Variants in RC3H1 observed in about 807,000 individuals in gnomAD.
RC3H1 encodes roquin-1.
A neutral mutation model predicts 138.2 loss-of-function variants in RC3H1; 50 were observed. The ratio of observed to expected loss-of-function variants is 0.36; its 90% CI spans 0.29 to 0.46. The LOEUF is 0.46. Ranked by LOEUF, RC3H1 falls within the 20% of genes least tolerant of loss-of-function variation. The pLI, the probability that RC3H1 is intolerant of heterozygous loss-of-function variation, is 1.00. For synonymous variants in RC3H1, 462 were observed against 489.1 expected (o/e 0.94, Z 0.73); for missense variants, 1,031 against 1,388.1 (o/e 0.74, Z 4.09).
rs999370887 is a variant in RC3H1 at position 174,008,849 on chromosome 1, C to A, written c.-151+13247G>T. Among the ~76,000 whole-genome samples the A allele has an allele frequency of 1.8e-4, 27 of 151,978 alleles. 1 individual carries two copies. The highest frequency in any genetic ancestry group is 6.3e-4 in the African/African-American group (26 of 41,476). ...AAAATTAGCCAGGCGTGGTGGCGGGCACCGGTAATCCCAGCTACTTGGGAG... is the reference window on the plus strand; with the variant it reads ...AAAATTAGCCAGGCGTGGTGGCGGGAACCGGTAATCCCAGCTACTTGGGAG... On this transcript the variant is annotated intron_variant, in intron 1 of 19. Coordinates refer to ENST00000367696, the MANE Select transcript of RC3H1 (RefSeq NM_172071.4).
chr1:173,955,704 T>C (rs1659614859), intron 13 of RC3H1, among the ~76,000 whole-genome samples: 1 of 152,108 alleles, frequency 6.6e-6, no homozygotes, highest in Non-Finnish European at 1.5e-5. Context: ...CTACCCAGCA[T>C]TTTTCCTTGA....
chr1:173,988,717 C>T (rs530329479), intron 2 of RC3H1, among the ~76,000 whole-genome samples: 1 of 152,296 alleles, frequency 6.6e-6, no homozygotes, highest in South Asian at 2.1e-4. Context: ...TTTGGTGTTG[C>T]TAATGTTTTG....
rs995678547 is a variant in RC3H1 at position 173,938,058 on chromosome 1, C to T, written c.*663G>A. ...TGAAAATAAAAACAAGAAATAAAAC[C>T]CTCCCAAACAAACAAAAAGCTTCAA... On this transcript the variant is annotated 3_prime_UTR_variant, in exon 20 of 20. Transcript: ENST00000367696. 1.3e-5 allele frequency: 2 copies of T among 151,884 alleles called. No homozygotes were observed. The highest frequency in any genetic ancestry group is 4.8e-5 in the African/African-American group (2 of 41,306). 9.4% of individuals were successfully genotyped at this position (151,884 alleles called of 1,614,324 possible). A position where few individuals can be genotyped will look rare whatever the true frequency, so the allele number is the denominator to read the frequency against.
intron 11 of RC3H1, among the ~76,000 whole-genome samples, chr1:173,963,140 T>C (rs1220487754): frequency 1.3e-5 from 2 of 152,226 alleles, no homozygotes; most frequent in African/African-American, 4.8e-5. Context: ...GGTATTATCA[T>C]TAAAGCTGGC....
chr1:173,963,742 G>A (rs1659977108), intron 11 of RC3H1, among the ~76,000 whole-genome samples: 1 of 152,042 alleles, frequency 6.6e-6, no homozygotes, highest in African/African-American at 2.4e-5. Flanking sequence ...ATGAACACAT[G>A]TATTATGCAA....
chr1:173,978,221 G>A (rs1660664481), intron 7 of RC3H1, among the ~76,000 whole-genome samples: 1 of 152,036 alleles, frequency 6.6e-6, no homozygotes, highest in East Asian at 1.9e-4. Flanking sequence ...TTTTGTGACG[G>A]GAGAAAGAAG....
chr1:174,015,577 G>C (rs1360202114), intron 1 of RC3H1, among the ~76,000 whole-genome samples: 3 of 151,866 alleles, frequency 2.0e-5, no homozygotes, highest in Admixed American at 1.3e-4. Context: ...ATCTTGGCCA[G>C]GCTGGTCTTC....
In RC3H1 at chr1:173,961,158, G is replaced by C; in HGVS notation, c.2289C>G (p.Ala763=). ...AGATAACCTTTCTTTCCTCTAGCTG[G>C]GCCATTATTTCCTTTCGTCGGCGAT... is the stretch of plus-strand genomic sequence containing the variant. The part of the protein sequence containing the change: ...ELHRRRKEIM[A]QLEERKVISP... Residue 763 remains alanine, a synonymous_variant, in exon 13 of 20, where the codon GCC becomes GCG. Transcript: ENST00000367696. The C allele has an allele frequency of 6.2e-7, 1 of 1,613,780 alleles. No individual in the cohort carries two copies. Among genetic ancestry groups the C allele is most frequent in the Non-Finnish European group, 8.5e-7 (1 of 1,179,878 alleles).
chr1:173,942,825 CA>C (rs1183284940), intron 18 of RC3H1, among the ~76,000 whole-genome samples: 39 of 134,716 alleles, frequency 2.9e-4, no homozygotes, highest in East Asian at 1.3e-3. Context: ...GACTCCGCCT[CA>C]AAAAAAAAAA....
Position 173,943,528 on chromosome 1 carries a change from G to C in RC3H1, c.3049C>G (p.Pro1017Ala). The C allele has an allele frequency of 6.2e-7, 1 of 1,614,132 alleles. No homozygotes were observed. The highest frequency in any genetic ancestry group is 8.5e-7 in the Non-Finnish European group (1 of 1,180,008). Residue 1017 changes from proline (P) to alanine (A), a missense_variant, in exon 18 of 20, where the codon CCT becomes GCT. Coordinates refer to ENST00000367696, the MANE Select transcript of RC3H1 (RefSeq NM_172071.4). ...AACTGCTCACTTGAGATCATCCCAG[G>C]CCATTTTGGAGGTGGCGGTGGTGGG... ...QPPPPPPPKW[P>A]GMISSEQLSL...
At chr1:174,020,254 A>C (rs539920749) in intron 1 of RC3H1, among the ~76,000 whole-genome samples, 6 of 152,352 alleles carry the variant, frequency 3.9e-5, no homozygotes, top group African/African-American at 1.4e-4. Flanking sequence ...TCATTCAAAA[A>C]ATCAAAACAT....
Position 173,962,175 on chromosome 1 carries a change from C to G in RC3H1, c.1832-80G>C, listed in dbSNP as rs895004712. ...ATGTAAGATTTTACCTTTTAAAATA[C>G]TGAAACACTAAAGTATTGATAATCT... On this transcript the variant is annotated intron_variant, in intron 11 of 19. Coordinates refer to ENST00000367696, the MANE Select transcript of RC3H1 (RefSeq NM_172071.4). 4 of 1,255,542 alleles carry G rather than the reference C, an allele frequency of 3.2e-6. No individual in the cohort carries two copies. In the African/African-American group the frequency reaches 6.0e-5, roughly 19 times the overall value. 77.8% of individuals were successfully genotyped at this position (1,255,542 alleles called of 1,614,324 possible).
intron 1 of RC3H1, among the ~76,000 whole-genome samples, chr1:174,001,131 T>C (rs1661558720): frequency 6.6e-6 from 1 of 152,148 alleles, no homozygotes; most frequent in Non-Finnish European, 1.5e-5. Flanking sequence ...GGAGGAAAGT[T>C]CAAGGGGTTA....
At chr1:173,976,137 G>A (rs1399970606) in intron 7 of RC3H1, among the ~76,000 whole-genome samples, 1 of 151,658 alleles carries the variant, frequency 6.6e-6, no homozygotes, top group African/African-American at 2.4e-5. Flanking sequence ...TTTCAAGGAA[G>A]AGAGAGTACA....
chr1:173,988,459 T>C (rs1234226365), intron 2 of RC3H1, among the ~76,000 whole-genome samples: 1 of 152,258 alleles, frequency 6.6e-6, no homozygotes, highest in African/African-American at 2.4e-5. Flanking sequence ...TGTATGGATA[T>C]ACCACTGTTT....
Position 173,960,107 on chromosome 1 carries a change from CAAAAAAAA to C in RC3H1, c.2370+962_2370+969del, listed in dbSNP as rs58330993. On this transcript the variant is annotated intron_variant, in intron 13 of 19. Coordinates refer to ENST00000367696, the MANE Select transcript of RC3H1 (RefSeq NM_172071.4). ...TGGGCAACAGAATGAGACTCCGACT[CAAAAAAAA>C]AAAAAAAAAAAAAAAGATACAAAAA... 3.7e-4 allele frequency among the ~76,000 whole-genome samples: 19 copies of C among 51,120 alleles called. No individual in the cohort carries two copies. The East Asian group carries it at 6.5e-3, about 17-fold the overall frequency. 33.5% of individuals were successfully genotyped at this position (51,120 alleles called of 152,430 possible).
intron 14 of RC3H1, among the ~76,000 whole-genome samples, chr1:173,950,246 G>A (rs992796245): frequency 2.6e-5 from 4 of 151,780 alleles, no homozygotes; most frequent in African/African-American, 9.7e-5. Flanking sequence ...TTTACATAAG[G>A]TCTATAAACA....
chr1:173,954,942 T>A (rs1409304313), intron 13 of RC3H1, among the ~76,000 whole-genome samples: 2 of 151,962 alleles, frequency 1.3e-5, no homozygotes, highest in African/African-American at 2.4e-5. Context: ...AACCACAATC[T>A]TAGGCTGGGT....
chr1:173,965,208 TATTCTCTCTTGAAACATTA>T, intron 9 of RC3H1, 88 bp from the exon 10 acceptor site: 1 of 1,169,276 alleles, frequency 8.6e-7, no homozygotes, highest in South Asian at 1.6e-5. Context: ...TTTCTAGAAA[TATTCTCTCTTGAAACATTA>T]ACTCTATCAG....
Sources: gnomAD v4.1 joint callset for allele counts (sites outside exome capture counted in the v4.1 genomes callset) on GRCh38, gnomAD v4.1.1 for gene constraint, MANE v1.5 for transcripts, NCBI Gene and HGNC (gene_info 2026-07-23, HGNC 2026-07-21) for gene names.